FBP1: variants seen among roughly 807,000 people sequenced by gnomAD.
The protein encoded by FBP1 is fructose-1,6-bisphosphatase 1.
A neutral mutation model predicts 29.9 loss-of-function variants in FBP1; 22 were observed. That is an observed-to-expected ratio of 0.74 (90% CI 0.53 to 1.05). The LOEUF (loss-of-function observed/expected upper bound fraction) is 1.05, where lower values mean the gene tolerates loss of function less well. FBP1 is among the 50% of genes least tolerant of loss of function. FBP1 has a pLI of 0.00. For missense variants in FBP1, 345 were observed against 448.2 expected (o/e 0.77, Z 2.08); for synonymous variants, 175 against 178.6 (o/e 0.98, Z 0.16).
At chr9:94,610,565 G>A (rs1473977605) in intron 3 of FBP1, among the ~76,000 whole-genome samples, 3 of 152,212 alleles carry the variant, frequency 2.0e-5, no homozygotes, top group Non-Finnish European at 4.4e-5. Flanking sequence ...TCTCAGAAAC[G>A]TAGGAACTCA....
chr9:94,611,042 T>C (rs1443062415), intron 3 of FBP1, among the ~76,000 whole-genome samples: 10 of 152,072 alleles, frequency 6.6e-5, no homozygotes, highest in Admixed American at 6.6e-4. Flanking sequence ...TTTTTGTATT[T>C]TTAGTAGAGA....
At chr9:94,617,469 C>T (rs1827881134) in intron 3 of FBP1, among the ~76,000 whole-genome samples, 2 of 152,194 alleles carry the variant, frequency 1.3e-5, no homozygotes, top group South Asian at 2.1e-4. Flanking sequence ...CATCACTATA[C>T]TTACCCTCTA....
upstream of FBP1, among the ~76,000 whole-genome samples, chr9:94,639,716 G>C: frequency 7.5e-6 from 1 of 133,470 alleles, no homozygotes; most frequent in Admixed American, 7.9e-5. Context: ...TAGTCTTCCT[G>C]GGCTGTCGCC....
chr9:94,633,583 C>G (rs369267435), intron 1 of FBP1, among the ~76,000 whole-genome samples: 4 of 152,232 alleles, frequency 2.6e-5, no homozygotes, highest in Admixed American at 6.5e-5. Flanking sequence ...GACTCCTCCC[C>G]CTGTGACCTC....
At chr9:94,638,803 G>A (rs1008071553) in intron 1 of FBP1, among the ~76,000 whole-genome samples, 2 of 152,186 alleles carry the variant, frequency 1.3e-5, no homozygotes, top group African/African-American at 4.8e-5. Context: ...CGGGTATGAC[G>A]GGCAGGCCAG....
intron 3 of FBP1, among the ~76,000 whole-genome samples, chr9:94,612,390 C>A (rs535659406): frequency 2.3e-4 from 35 of 152,142 alleles, no homozygotes; most frequent in African/African-American, 7.2e-4. Flanking sequence ...ACAGCCCTTC[C>A]CTGACATACG....
In FBP1 at chr9:94,611,424, C is replaced by G. The variant is rs181280401; in HGVS notation, c.427-1363G>C. Among the ~76,000 whole-genome samples the G allele has an allele frequency of 5.1e-4, 78 of 152,222 alleles. 1 individual carries two copies. Among genetic ancestry groups the G allele is most frequent in the Admixed American group, 4.8e-3 (73 of 15,288 alleles). On this transcript the variant is annotated intron_variant, in intron 3 of 6. Coordinates refer to ENST00000375326, the MANE Select transcript of FBP1 (RefSeq NM_000507.4). ...ACTTTCAAAAGGGTGGCCCACAGAGCACCTGCATTAGAATCACCTGGGATA... is the reference window on the plus strand; with the variant it reads ...ACTTTCAAAAGGGTGGCCCACAGAGGACCTGCATTAGAATCACCTGGGATA...
chr9:94,617,883 C>G, intron 2 of FBP1, 23 bp from the exon 3 acceptor site: 3 of 1,549,876 alleles, frequency 1.9e-6, no homozygotes, highest in Non-Finnish European at 1.8e-6. Context: ...AAAAGAAATA[C>G]AACCTTAAAA....
At chr9:94,631,507 G>A (rs911081285) in intron 1 of FBP1, among the ~76,000 whole-genome samples, 3 of 152,206 alleles carry the variant, frequency 2.0e-5, no homozygotes. Flanking sequence ...TGAACATGCA[G>A]ATTTGTGATG....
rs1285153540 is a variant in FBP1, at chr9:94,603,519, C to T, written c.879G>A (p.Gly293=). 6.2e-7 allele frequency: 1 copy of T among 1,614,182 alleles called. No individual in the cohort carries two copies. The highest frequency in any genetic ancestry group is 1.7e-5 in the Admixed American group (1 of 60,022). The change falls in exon 7 of 7, where the codon GGG becomes GGA. Residue 293 remains glycine (G), a synonymous_variant. Coordinates refer to ENST00000375326, the MANE Select transcript of FBP1 (RefSeq NM_000507.4). ...NPMAYVMEKA[G]GMATTGKEAV... ...CCTCCTTCCCAGTGGTGGCCATTCC[C>T]CCAGCCTTCTCCATGACGTAGGCCA... is the stretch of plus-strand genomic sequence containing the variant.
chr9:94,639,103 CAG>C, intron 1 of FBP1, 36 bp downstream of exon 1: 1 of 1,564,164 alleles, frequency 6.4e-7, no homozygotes, highest in Non-Finnish European at 8.6e-7. Flanking sequence ...CCCAGGCAGA[CAG>C]ACAGGACGGG....
chr9:94,625,204 C>T (rs1363285752), intron 1 of FBP1, among the ~76,000 whole-genome samples: 2 of 151,970 alleles, frequency 1.3e-5, no homozygotes, highest in Non-Finnish European at 2.9e-5. Context: ...GGTGACTTAG[C>T]AAATCATGAC....
At position 94,603,443 on chromosome 9, in the gene FBP1, A is replaced by G; in HGVS notation, c.955T>C (p.Leu319=). The G allele has an allele frequency of 6.2e-7, 1 of 1,614,124 alleles. No individual in the cohort carries two copies. Among genetic ancestry groups the G allele is most frequent in the Non-Finnish European group, 8.5e-7 (1 of 1,179,996 alleles). The change falls in exon 7 of 7, where the codon TTG becomes CTG. Residue 319 remains leucine, a synonymous_variant. Transcript: ENST00000375326. ...TDIHQRAPVI[L]GSPDDVLEFL... ...TCGAGCACGTCGTCGGGGGATCCCAAGATCACCGGCGCCCTCTGGTGAATG... is the reference window on the plus strand; with the variant it reads ...TCGAGCACGTCGTCGGGGGATCCCAGGATCACCGGCGCCCTCTGGTGAATG...
intron 1 of FBP1, among the ~76,000 whole-genome samples, chr9:94,631,220 C>T (rs759141662): frequency 1.3e-5 from 2 of 152,136 alleles, no homozygotes; most frequent in South Asian, 2.1e-4. Context: ...CCCAGAGATA[C>T]GAAGGAGCTC....
intron 5 of FBP1, among the ~76,000 whole-genome samples, chr9:94,606,516 G>T (rs1827702673): frequency 6.6e-6 from 1 of 152,218 alleles, no homozygotes; most frequent in South Asian, 2.1e-4. Context: ...AGCAAAGGCT[G>T]ACATGGAGAC....
chr9:94,626,882 C>T (rs1018685985), intron 1 of FBP1, among the ~76,000 whole-genome samples: 4 of 151,948 alleles, frequency 2.6e-5, no homozygotes, highest in Non-Finnish European at 4.4e-5. Context: ...GGTGAAATCC[C>T]ATCTCTACTA....
intron 1 of FBP1, among the ~76,000 whole-genome samples, chr9:94,637,564 A>C (rs1233494994): frequency 1.3e-5 from 2 of 151,916 alleles, no homozygotes; most frequent in Non-Finnish European, 2.9e-5. Flanking sequence ...ACACCCAGCT[A>C]ATTTTTGGTA....
intron 1 of FBP1, among the ~76,000 whole-genome samples, chr9:94,622,797 T>A (rs1827967449): frequency 6.6e-6 from 1 of 152,120 alleles, no homozygotes; most frequent in Admixed American, 6.6e-5. Context: ...ATGATCTTTT[T>A]CTGACCCCAA....
intron 3 of FBP1, among the ~76,000 whole-genome samples, 174 bp from the exon 4 acceptor site, chr9:94,610,235 C>T (rs1264128602): frequency 6.6e-6 from 1 of 152,226 alleles, no homozygotes; most frequent in Non-Finnish European, 1.5e-5. Flanking sequence ...TCACGGCAGC[C>T]TTCCCACCAG....
Sources: allele counts gnomAD v4.1 joint callset (sites outside exome capture counted in the v4.1 genomes callset), GRCh38; gene constraint gnomAD v4.1.1; transcripts MANE v1.5; gene names NCBI Gene and HGNC (gene_info 2026-07-23, HGNC 2026-07-21).